GMDS: variants seen among roughly 807,000 people sequenced by gnomAD.
The protein encoded by GMDS is GDP-mannose 4,6 dehydratase.
Under a neutral mutation model 49.9 loss-of-function variants are expected in GMDS, and 20 were observed. That is an observed-to-expected ratio of 0.40 (90% CI 0.28 to 0.58). The LOEUF is 0.58. Ranked by LOEUF, GMDS falls within the 20% of genes least tolerant of loss-of-function variation. The pLI is 0.42. For missense variants in GMDS, 362 were observed against 481.4 expected, an observed-to-expected ratio of 0.75 and a Z score of 2.32; for synonymous variants, 177 against 178.6, an observed-to-expected ratio of 0.99 and a Z score of 0.07.
In GMDS at chr6:1,624,377, G is replaced by A. The variant is rs1467713359; in HGVS notation, c.1056+95C>T. 6.8e-6 allele frequency: 9 copies of A among 1,326,180 alleles called. No homozygotes were observed. In the East Asian group the frequency reaches 1.7e-4, roughly 24 times the overall value. The allele number at this position is 1,326,180 out of a possible 1,614,324, so 82.2% of individuals were successfully genotyped here. ...CCCGCACCCCGCCTTCCGGGCTTTG[G>A]GCATCGCAGGCGCCTCAGGCGCCCG... is the stretch of plus-strand genomic sequence containing the variant. On this transcript the variant is annotated intron_variant, in intron 10 of 10. Transcript: ENST00000380815.
chr6:1,645,830 C>T (rs143362348), intron 9 of GMDS, among the ~76,000 whole-genome samples: 466 of 152,340 alleles, frequency 3.1e-3, no homozygotes, highest in African/African-American at 0.011. Context: ...CATGCAACTT[C>T]GCTTCTCTCT....
intron 1 of GMDS, among the ~76,000 whole-genome samples, chr6:2,192,916 C>T (rs1779109544): frequency 6.6e-6 from 1 of 152,228 alleles, no homozygotes; most frequent in African/African-American, 2.4e-5. Context: ...CCACTGGCCA[C>T]AGCTTTCCAA....
intron 7 of GMDS, among the ~76,000 whole-genome samples, chr6:1,830,180 T>C (rs1313176370): frequency 6.6e-6 from 1 of 152,246 alleles, no homozygotes; most frequent in South Asian, 2.1e-4. Context: ...TTGGCTATCA[T>C]GTGGGACATT....
At chr6:1,713,113 A>T (rs151159901) in intron 9 of GMDS, among the ~76,000 whole-genome samples, 3 of 152,252 alleles carry the variant, frequency 2.0e-5, no homozygotes, top group Non-Finnish European at 2.9e-5. Flanking sequence ...TGGTAGATCC[A>T]TAGTGGCCAC....
At chr6:2,093,846 A>G (rs934789093) in intron 4 of GMDS, among the ~76,000 whole-genome samples, 7 of 152,092 alleles carry the variant, frequency 4.6e-5, no homozygotes, top group Non-Finnish European at 2.9e-5. Flanking sequence ...GGTTTTCCAA[A>G]TTTGTGCTAA....
chr6:1,821,611 GTTTTTT>G (rs3039703), intron 7 of GMDS, among the ~76,000 whole-genome samples: 24 of 109,840 alleles, frequency 2.2e-4, no homozygotes, highest in Non-Finnish European at 3.3e-4. Flanking sequence ...CAATTTATTT[GTTTTTT>G]TTTTTTTTTT....
At chr6:2,105,360 ACTT>A (rs998146396) in intron 4 of GMDS, among the ~76,000 whole-genome samples, 10 of 152,228 alleles carry the variant, frequency 6.6e-5, no homozygotes, top group Admixed American at 6.5e-4. Flanking sequence ...ATATTCAAAC[ACTT>A]CTTCTCTAGG....
chr6:1,810,206 G>A (rs1770359653), intron 7 of GMDS, among the ~76,000 whole-genome samples: 1 of 152,190 alleles, frequency 6.6e-6, no homozygotes. Flanking sequence ...CCCCAGGTGT[G>A]GGATGGGGCA....
At chr6:2,004,866 G>A (rs959133063) in intron 4 of GMDS, among the ~76,000 whole-genome samples, 6 of 152,126 alleles carry the variant, frequency 3.9e-5, no homozygotes, top group African/African-American at 1.4e-4. Flanking sequence ...ATGCTCGTTA[G>A]AAAATTATTT....
chr6:1,705,495 G>A lies in GMDS; in HGVS notation c.987+20921C>T, dbSNP rs534553629. Among the ~76,000 whole-genome samples, 90 of 152,292 alleles carry A rather than the reference G, an allele frequency of 5.9e-4. 1 individual carries two copies. Among genetic ancestry groups the A allele is most frequent in the South Asian group, 5.0e-3 (24 of 4,828 alleles). On this transcript the variant is annotated intron_variant, in intron 9 of 10. Transcript: ENST00000380815. ...TCTGGCCAGCACACCATAATCAAAC[G>A]TGAATATTCCTTCAGCAAAATGTAT...
At chr6:1,648,906 A>T (rs945722714) in intron 9 of GMDS, among the ~76,000 whole-genome samples, 2 of 152,184 alleles carry the variant, frequency 1.3e-5, no homozygotes, top group African/African-American at 4.8e-5. Context: ...CTCTTATTTG[A>T]CTTTTTTGCT....
intron 9 of GMDS, among the ~76,000 whole-genome samples, chr6:1,642,086 C>T (rs1262851565): frequency 6.6e-6 from 1 of 151,806 alleles, no homozygotes; most frequent in African/African-American, 2.4e-5. Flanking sequence ...CACTTGGAAC[C>T]CTGCTCTTCA....
chr6:1,740,191 G>T (rs1767210578), intron 8 of GMDS, among the ~76,000 whole-genome samples: 1 of 152,146 alleles, frequency 6.6e-6, no homozygotes, highest in Non-Finnish European at 1.5e-5. Flanking sequence ...GTTAAAATAT[G>T]TTAGAGAGTT....
intron 1 of GMDS, among the ~76,000 whole-genome samples, chr6:2,132,776 T>C (rs889529853): frequency 6.6e-6 from 1 of 152,228 alleles, no homozygotes; most frequent in Non-Finnish European, 1.5e-5. Context: ...TTTAAAGATC[T>C]GCCTAACCGG....
chr6:2,221,843 TA>T (rs142801698), intron 1 of GMDS, among the ~76,000 whole-genome samples: 2,619 of 151,988 alleles, frequency 0.017, 86 homozygotes, highest in African/African-American at 0.059. Flanking sequence ...CCATGGGGTA[TA>T]AAAGAAGAAA....
chr6:2,063,235 T>G (rs1406488174), intron 4 of GMDS, among the ~76,000 whole-genome samples: 1 of 152,212 alleles, frequency 6.6e-6, no homozygotes, highest in Non-Finnish European at 1.5e-5. Context: ...AATCTCAAAT[T>G]TGGGATTGGC....
At chr6:2,159,433 G>A (rs1430712770) in intron 1 of GMDS, among the ~76,000 whole-genome samples, 1 of 151,114 alleles carries the variant, frequency 6.6e-6, no homozygotes, top group Admixed American at 6.6e-5. Flanking sequence ...GAGAGTAAAT[G>A]ACAAAACAGA....
chr6:1,666,171 G>T (rs147419913), intron 9 of GMDS, among the ~76,000 whole-genome samples: 2 of 152,326 alleles, frequency 1.3e-5, no homozygotes, highest in East Asian at 3.9e-4. Flanking sequence ...GGATGAAGCA[G>T]CAAAGGCCGT....
chr6:1,641,434 T>C (rs1763326730), intron 9 of GMDS, among the ~76,000 whole-genome samples: 1 of 152,250 alleles, frequency 6.6e-6, no homozygotes, highest in Non-Finnish European at 1.5e-5. Context: ...ATCTTCTTCC[T>C]GTCAAAGGAG....
Sources: allele counts gnomAD v4.1 joint callset (sites outside exome capture counted in the v4.1 genomes callset), GRCh38; gene constraint gnomAD v4.1.1; transcripts MANE v1.5; gene names NCBI Gene and HGNC (gene_info 2026-07-23, HGNC 2026-07-21).